Variants in PPM1L observed in about 807,000 individuals in gnomAD.
The protein encoded by PPM1L is protein phosphatase, Mg2+/Mn2+ dependent 1L.
PPM1L carries 13 observed loss-of-function variants against 31.4 expected under a neutral mutation model. That is an observed-to-expected ratio of 0.41 (90% CI 0.27 to 0.66). PPM1L has a LOEUF of 0.66. Ranked by LOEUF, PPM1L falls within the 30% of genes least tolerant of loss-of-function variation. The pLI is 0.29. For missense variants in PPM1L, 326 were observed against 453.7 expected (o/e 0.72, Z 2.56); for synonymous variants, 184 against 175.4 (o/e 1.05, Z -0.39).
At chr3:161,044,048 A>G (rs1366070017) in intron 2 of PPM1L, among the ~76,000 whole-genome samples, 3 of 152,110 alleles carry the variant, frequency 2.0e-5, no homozygotes, top group African/African-American at 7.2e-5. Context: ...TGCTCTGTGT[A>G]TGTTTTTTTG....
At chr3:161,031,163 T>A (rs929925764) in intron 2 of PPM1L, among the ~76,000 whole-genome samples, 9 of 152,170 alleles carry the variant, frequency 5.9e-5, no homozygotes, top group African/African-American at 2.2e-4. Flanking sequence ...GCTGGAAGAA[T>A]CAGATGTCCT....
chr3:160,975,553 C>T (rs886900014), intron 2 of PPM1L, among the ~76,000 whole-genome samples: 11 of 151,988 alleles, frequency 7.2e-5, no homozygotes, highest in African/African-American at 1.9e-4. Context: ...TTTCCTTGAG[C>T]AGTGGTTTGT....
chr3:160,904,622 G>A (rs548664746), intron 1 of PPM1L, among the ~76,000 whole-genome samples: 2 of 152,008 alleles, frequency 1.3e-5, no homozygotes, highest in Admixed American at 1.3e-4. Context: ...CCTTGTTAAG[G>A]TATCAGTGCT....
intron 2 of PPM1L, chr3:161,036,179 TAACTTC>T (rs2108084914): frequency 6.6e-6 from 1 of 152,370 alleles, no homozygotes; most frequent in Non-Finnish European, 1.5e-5. Flanking sequence ...GTATAATCAC[TAACTTC>T]ACAGATCTGT....
intron 2 of PPM1L, among the ~76,000 whole-genome samples, chr3:160,972,664 G>C: frequency 6.6e-6 from 1 of 152,078 alleles, no homozygotes; most frequent in South Asian, 2.1e-4. Context: ...AAACATACAT[G>C]TGCATGTGTC....
chr3:160,756,743 T>C lies in PPM1L; in HGVS notation c.399+36T>C. The C allele has an allele frequency of 1.3e-6, 2 of 1,545,382 alleles. No homozygotes were observed. The highest frequency in any genetic ancestry group is 1.5e-5 in the African/African-American group (1 of 67,594). On this transcript the variant is annotated intron_variant, in intron 1 of 3. Coordinates refer to ENST00000498165, the MANE Select transcript of PPM1L (RefSeq NM_139245.4). The surrounding 1 kb of genome is among the most constrained non-coding windows in gnomAD (Gnocchi z 6.2). ...CCCCGGGGCTTTGTATTTGTGTCCGTGTATGTCTCGTGTGTGTGTGTGTGT... is the reference window on the plus strand; with the variant it reads ...CCCCGGGGCTTTGTATTTGTGTCCGCGTATGTCTCGTGTGTGTGTGTGTGT...
In PPM1L at chr3:160,809,422, T is replaced by C. The variant is rs1208074958; in HGVS notation, c.399+52715T>C. Among the ~76,000 whole-genome samples the C allele has an allele frequency of 6.9e-4, 105 of 152,100 alleles. 2 individuals carry two copies. The highest frequency in any genetic ancestry group is 1.5e-5 in the Non-Finnish European group (1 of 68,022). ...GCTCAACTTTAGTTTTCAGGCCAAT[T>C]TGGAGCCAAGACAATGTCTGGCTCC... On this transcript the variant is annotated intron_variant, in intron 1 of 3. Coordinates refer to ENST00000498165, the MANE Select transcript of PPM1L (RefSeq NM_139245.4).
At chr3:160,933,505 T>C (rs1714854071) in intron 1 of PPM1L, among the ~76,000 whole-genome samples, 1 of 152,212 alleles carries the variant, frequency 6.6e-6, no homozygotes, top group Non-Finnish European at 1.5e-5. Context: ...TTGTTCATTA[T>C]CATTTTTCAT....
At chr3:160,765,319 C>T (rs1305546592) in intron 1 of PPM1L, among the ~76,000 whole-genome samples, 1 of 152,190 alleles carries the variant, frequency 6.6e-6, no homozygotes, top group Non-Finnish European at 1.5e-5. Context: ...CCCTACAGAT[C>T]TCCTAATTTG....
In PPM1L at chr3:160,862,452, A is replaced by G. The variant is rs1711925965; in HGVS notation, c.400-99284A>G. Among the ~76,000 whole-genome samples, 3 of 152,262 alleles carry G rather than the reference A, an allele frequency of 2.0e-5. No individual in the cohort carries two copies. The South Asian group carries it at 6.2e-4, about 32-fold the overall frequency. Reference sequence around the variant, plus strand: ...AGCTATCAATCTAGCACAAGCGACTATTAGGAAAATCAAGGAGGTGCTGCG... The same window carrying G: ...AGCTATCAATCTAGCACAAGCGACTGTTAGGAAAATCAAGGAGGTGCTGCG... On this transcript the variant is annotated intron_variant, in intron 1 of 3. Coordinates refer to ENST00000498165, the MANE Select transcript of PPM1L (RefSeq NM_139245.4).
intron 2 of PPM1L, among the ~76,000 whole-genome samples, chr3:161,025,658 A>C (rs1051660171): frequency 2.6e-5 from 4 of 151,990 alleles, no homozygotes; most frequent in Non-Finnish European, 5.9e-5. Context: ...ACTCAGCAAG[A>C]AGGCCCTCAC....
chr3:160,888,234 T>C (rs1195750630), intron 1 of PPM1L, among the ~76,000 whole-genome samples: 1 of 152,140 alleles, frequency 6.6e-6, no homozygotes, highest in Non-Finnish European at 1.5e-5. Flanking sequence ...AGACACAGAC[T>C]GGCAAGTTGG....
At chr3:160,813,074 G>T (rs563136259) in intron 1 of PPM1L, among the ~76,000 whole-genome samples, 45 of 152,180 alleles carry the variant, frequency 3.0e-4, no homozygotes, top group African/African-American at 1.1e-3. Flanking sequence ...ACTGGCTAGA[G>T]AAAACCCTGT....
chr3:160,782,103 A>G (rs1049494016), intron 1 of PPM1L, among the ~76,000 whole-genome samples: 3 of 151,992 alleles, frequency 2.0e-5, no homozygotes, highest in African/African-American at 7.2e-5. Context: ...CTACTTCTAG[A>G]GCATTCTCTT....
intron 1 of PPM1L, among the ~76,000 whole-genome samples, chr3:160,852,553 A>G (rs891839841): frequency 2.6e-5 from 4 of 152,190 alleles, no homozygotes; most frequent in African/African-American, 7.2e-5. Context: ...GACCTCATTC[A>G]TCCAAAGAAC....
intron 2 of PPM1L, among the ~76,000 whole-genome samples, chr3:161,058,444 A>T (rs1442930175): frequency 6.6e-6 from 1 of 151,854 alleles, no homozygotes; most frequent in Non-Finnish European, 1.5e-5. Flanking sequence ...CATTATTACT[A>T]AAGTAACAAT....
intron 2 of PPM1L, among the ~76,000 whole-genome samples, chr3:161,024,698 CAAA>C (rs35498356): frequency 1.7e-4 from 23 of 133,124 alleles, no homozygotes; most frequent in African/African-American, 1.9e-4. Context: ...AACTCCATCT[CAAA>C]AAAAAAAAAA....
At chr3:161,026,508 C>T (rs1032606218) in intron 2 of PPM1L, among the ~76,000 whole-genome samples, 1 of 152,006 alleles carries the variant, frequency 6.6e-6, no homozygotes, top group Admixed American at 6.6e-5. Flanking sequence ...CCAGCCTGGC[C>T]AACATGGCAA....
At chr3:160,910,252 CTTCCCCT>C (rs1326219383) in intron 1 of PPM1L, among the ~76,000 whole-genome samples, 9 of 54,470 alleles carry the variant, frequency 1.7e-4, no homozygotes, top group African/African-American at 4.8e-4. Flanking sequence ...TTCCTTTCCC[CTTCCCCT>C]TTCCCCTTCC....
Sources: gnomAD v4.1 joint callset for allele counts (sites outside exome capture counted in the v4.1 genomes callset) on GRCh38, gnomAD v4.1.1 for gene constraint, Gnocchi (gnomAD v3.1) non-coding constraint, MANE v1.5 for transcripts, NCBI Gene and HGNC (gene_info 2026-07-23, HGNC 2026-07-21) for gene names.